RBMS3: variants seen among roughly 807,000 people sequenced by gnomAD.
RBMS3 encodes the protein RNA binding motif single stranded interacting protein 3, also known as RNA-binding motif, single-stranded-interacting protein 3.
Under a neutral mutation model 66.8 loss-of-function variants are expected in RBMS3, and 27 were observed. The ratio of observed to expected loss-of-function variants is 0.40; its 90% CI spans 0.30 to 0.56. The LOEUF is 0.56. RBMS3 is among the 20% of genes least tolerant of loss of function. The pLI is 0.40. For missense variants in RBMS3, 513 were observed against 549.5 expected, an observed-to-expected ratio of 0.93 and a Z score of 0.66; for synonymous variants, 188 against 183.0, an observed-to-expected ratio of 1.03 and a Z score of -0.22.
intron 12 of RBMS3, among the ~76,000 whole-genome samples, chr3:29,966,083 TCTATGTGC>T (rs1696828315): frequency 6.6e-6 from 1 of 152,194 alleles, no homozygotes; most frequent in Admixed American, 6.5e-5. Context: ...GTTCCATTGG[TCTATGTGC>T]CTATTTTTAT....
intron 4 of RBMS3, among the ~76,000 whole-genome samples, chr3:29,632,110 C>A (rs937701443): frequency 2.6e-5 from 4 of 151,872 alleles, no homozygotes; most frequent in Admixed American, 6.6e-5. Context: ...CAGTTCAGAG[C>A]CTGGGCATGT....
intron 1 of RBMS3, among the ~76,000 whole-genome samples, chr3:29,336,065 C>T (rs2035930410): frequency 6.6e-6 from 1 of 152,158 alleles, no homozygotes; most frequent in South Asian, 2.1e-4. Context: ...CCCATAACTT[C>T]GTAGCAAAGC....
intron 3 of RBMS3, among the ~76,000 whole-genome samples, chr3:29,565,667 C>G (rs563613693): frequency 6.6e-6 from 1 of 152,242 alleles, no homozygotes; most frequent in South Asian, 2.1e-4. Context: ...GCATAAATCT[C>G]TAGTTCCTCA....
intron 13 of RBMS3, 62 bp downstream of exon 13, chr3:29,988,285 A>G: frequency 1.5e-6 from 2 of 1,378,106 alleles, no homozygotes; most frequent in South Asian, 2.4e-5. Context: ...CATATACTGT[A>G]GTCCCCCATA....
At chr3:29,677,207 T>A (rs2051293587) in intron 4 of RBMS3, among the ~76,000 whole-genome samples, 1 of 152,094 alleles carries the variant, frequency 6.6e-6, no homozygotes, top group African/African-American at 2.4e-5. Context: ...AAGCCCCACC[T>A]CCAACAATGG....
chr3:29,993,006 G>A (rs1354167050), intron 14 of RBMS3, among the ~76,000 whole-genome samples: 1 of 152,124 alleles, frequency 6.6e-6, no homozygotes, highest in African/African-American at 2.4e-5. Context: ...TTTAACTTCA[G>A]TATACATTAA....
At chr3:29,733,878 G>C (rs1020378401) in intron 4 of RBMS3, among the ~76,000 whole-genome samples, 3 of 151,850 alleles carry the variant, frequency 2.0e-5, no homozygotes. Flanking sequence ...ACAGTTTGGG[G>C]GTCTTACATT....
chr3:29,305,170 T>C (rs2033925808), intron 1 of RBMS3, among the ~76,000 whole-genome samples: 1 of 151,924 alleles, frequency 6.6e-6, no homozygotes, highest in Non-Finnish European at 1.5e-5. Context: ...ATGATTCTTG[T>C]TTTTCAGACC....
At chr3:29,856,865 T>G (rs76950220) in intron 6 of RBMS3, among the ~76,000 whole-genome samples, 2,971 of 152,320 alleles carry the variant, frequency 0.02, 89 homozygotes, top group East Asian at 0.1. Flanking sequence ...CAAATGGTCT[T>G]TAACATCTCC....
chr3:29,723,403 G>T (rs535914578), intron 4 of RBMS3, among the ~76,000 whole-genome samples: 1 of 152,210 alleles, frequency 6.6e-6, no homozygotes, highest in South Asian at 2.1e-4. Context: ...TATACTTTAA[G>T]TACAGGTTTA....
intron 7 of RBMS3, among the ~76,000 whole-genome samples, chr3:29,869,737 A>G (rs990184296): frequency 8.5e-5 from 13 of 152,178 alleles, no homozygotes; most frequent in African/African-American, 2.9e-4. Flanking sequence ...TATTTGTGAA[A>G]TGGAATAGAG....
intron 1 of RBMS3, among the ~76,000 whole-genome samples, chr3:29,360,704 G>T (rs951461665): frequency 1.3e-5 from 2 of 151,948 alleles, no homozygotes; most frequent in Admixed American, 6.5e-5. Context: ...TGGTCTCTAA[G>T]GACTTGCTTT....
intron 3 of RBMS3, among the ~76,000 whole-genome samples, chr3:29,514,471 C>A (rs960773497): frequency 6.6e-6 from 1 of 151,738 alleles, no homozygotes; most frequent in Non-Finnish European, 1.5e-5. Context: ...ACATTTAGCA[C>A]TGAATGGGAT....
intron 1 of RBMS3, among the ~76,000 whole-genome samples, chr3:29,353,249 T>A (rs576350249): frequency 1.3e-5 from 2 of 152,044 alleles, no homozygotes; most frequent in South Asian, 2.1e-4. Context: ...TATGGCACAT[T>A]TTTATTATGT....
At chr3:29,626,984 A>T (rs1244364390) in intron 4 of RBMS3, among the ~76,000 whole-genome samples, 1 of 152,162 alleles carries the variant, frequency 6.6e-6, no homozygotes, top group Non-Finnish European at 1.5e-5. Context: ...TAGAATAATA[A>T]AGCCTGGGTT....
At chr3:29,421,616 A>G (rs1388790982) in intron 1 of RBMS3, among the ~76,000 whole-genome samples, 1 of 152,178 alleles carries the variant, frequency 6.6e-6, no homozygotes, top group East Asian at 1.9e-4. Flanking sequence ...GAATCTGTGT[A>G]TTCTAAGAAT....
chr3:29,800,746 A>G (rs2057363277), intron 6 of RBMS3, among the ~76,000 whole-genome samples: 1 of 151,924 alleles, frequency 6.6e-6, no homozygotes, highest in Non-Finnish European at 1.5e-5. Context: ...ACAAAGCAAA[A>G]CAAAACCTTT....
At chr3:29,614,351 G>A (rs983267772) in intron 4 of RBMS3, 12 of 151,960 alleles carry the variant, frequency 7.9e-5, no homozygotes, top group Admixed American at 7.2e-4. Flanking sequence ...GTCAAAGAAC[G>A]CAAAATTTTA....
At chr3:29,443,127 C>T (rs2041688151) in intron 2 of RBMS3, among the ~76,000 whole-genome samples, 1 of 152,108 alleles carries the variant, frequency 6.6e-6, no homozygotes, top group Non-Finnish European at 1.5e-5. Context: ...TATTCTTGGA[C>T]TTATCCCTTC....
Sources: gnomAD v4.1 joint callset for allele counts (sites outside exome capture counted in the v4.1 genomes callset) on GRCh38, gnomAD v4.1.1 for gene constraint, MANE v1.5 for transcripts, NCBI Gene and HGNC (gene_info 2026-07-23, HGNC 2026-07-21) for gene names.